Variants in SCMH1 observed in about 807,000 individuals in gnomAD.
SCMH1 encodes the protein polycomb protein SCMH1.
SCMH1 carries 37 observed loss-of-function variants against 70.8 expected under a neutral mutation model. The ratio of observed to expected loss-of-function variants is 0.52; its 90% CI spans 0.40 to 0.69. The LOEUF is 0.69. Among genes scored for constraint, SCMH1 ranks in the 30% least tolerant of loss-of-function variants. The pLI, the probability that SCMH1 is intolerant of heterozygous loss-of-function variation, is 0.00. For missense variants in SCMH1, 607 were observed against 827.3 expected, an observed-to-expected ratio of 0.73 and a Z score of 3.27; for synonymous variants, 292 against 307.4, an observed-to-expected ratio of 0.95 and a Z score of 0.52.
rs532510799 is a variant in SCMH1 at position 41,074,072 on chromosome 1, C to CTT, written c.978+1145_978+1146dup. ...CCCTAGAGAAGCTGCTGACAGAAGTCTTTTTTTTTTTTTTTTTTTATATCA... is the reference window on the plus strand; with the variant it reads ...CCCTAGAGAAGCTGCTGACAGAAGTCTTTTTTTTTTTTTTTTTTTTTATATCA... On this transcript the variant is annotated intron_variant, in intron 9 of 14. Coordinates refer to ENST00000337495, the Ensembl canonical transcript of SCMH1. Among the ~76,000 whole-genome samples the CTT allele has an allele frequency of 2.7e-3, 344 of 128,452 alleles. 1 individual carries two copies. Among genetic ancestry groups the CTT allele is most frequent in the African/African-American group, 8.4e-3 (293 of 34,710 alleles). 84.3% of individuals were successfully genotyped at this position (128,452 alleles called of 152,430 possible).
intron 10 of SCMH1, among the ~76,000 whole-genome samples, chr1:41,049,782 A>AT (rs1260667680): frequency 8.8e-5 from 13 of 148,066 alleles, no homozygotes; most frequent in Non-Finnish European, 1.6e-4. Flanking sequence ...AAAAAAAAAA[A>AT]ATTGGGTGCA....
rs186734971 is a variant in SCMH1, at chr1:41,048,894, T to C, written c.1106-4A>G. On this transcript the variant is annotated splice_polypyrimidine_tract_variant and splice_region_variant and intron_variant, in intron 10 of 14. Transcript: ENST00000337495. ...TTCTTGTTCAAGTAGATACAAACTA[T>C]GGGAGACAAAGAATCAAAGAAGCTT... The C allele has an allele frequency of 1.9e-6, 3 of 1,605,954 alleles. No individual in the cohort carries two copies. Among genetic ancestry groups the C allele is most frequent in the Admixed American group, 3.4e-5 (2 of 58,440 alleles).
intron 6 of SCMH1, among the ~76,000 whole-genome samples, chr1:41,117,551 GAGGGCCTGACGTCAGTC>G (rs917569950): frequency 6.6e-6 from 1 of 151,954 alleles, no homozygotes; most frequent in African/African-American, 2.4e-5. Flanking sequence ...ACCTCTTGCG[GAGGGCCTGACGTCAGTC>G]AGGCCCGCCT....
intron 1 of SCMH1, among the ~76,000 whole-genome samples, chr1:41,201,858 G>T (rs1198865111): frequency 6.6e-6 from 1 of 152,082 alleles, no homozygotes; most frequent in Non-Finnish European, 1.5e-5. Context: ...AAACAGCTCA[G>T]GCAGAATAGT....
intron 8 of SCMH1, among the ~76,000 whole-genome samples, chr1:41,098,442 C>G (rs1411298756): frequency 2.6e-5 from 4 of 152,138 alleles, no homozygotes. Context: ...TTCTTAACTC[C>G]TTACAACAAC....
chr1:41,050,278 G>T (rs759361193), intron 10 of SCMH1, among the ~76,000 whole-genome samples: 3 of 152,216 alleles, frequency 2.0e-5, no homozygotes, highest in Non-Finnish European at 2.9e-5. Context: ...TCCCATTTGA[G>T]TAGCGGGTAC....
chr1:41,145,319 T>C (rs780113111), intron 5 of SCMH1, among the ~76,000 whole-genome samples: 4 of 152,144 alleles, frequency 2.6e-5, no homozygotes, highest in Non-Finnish European at 5.9e-5. Flanking sequence ...GCACCAGTTG[T>C]TGAAAAACCC....
intron 2 of SCMH1, among the ~76,000 whole-genome samples, chr1:41,173,106 C>T (rs1435185241): frequency 6.6e-6 from 1 of 151,872 alleles, no homozygotes; most frequent in Non-Finnish European, 1.5e-5. Context: ...GAGATTATAT[C>T]AAACTAAAAA....
intron 1 of SCMH1, among the ~76,000 whole-genome samples, chr1:41,187,379 T>C (rs569917024): frequency 6.6e-6 from 1 of 151,138 alleles, no homozygotes; most frequent in Non-Finnish European, 1.5e-5. Context: ...TCAGAATCAC[T>C]TGAACCCAGG....
In SCMH1 at chr1:41,107,651, C is replaced by T. The variant is rs552306508; in HGVS notation, c.745+5632G>A. ...TCTCCTGCCTCAGCCTCCCGAGTAG[C>T]TGGGACTACAGGTGGGCACCACCAC... On this transcript the variant is annotated intron_variant, in intron 8 of 14. Coordinates refer to ENST00000337495, the Ensembl canonical transcript of SCMH1. 6.6e-5 allele frequency among the ~76,000 whole-genome samples: 10 copies of T among 152,304 alleles called. No homozygotes were observed. The East Asian group carries it at 1.9e-3, about 29-fold the overall frequency.
At chr1:41,211,434 G>C (rs1020872674) in intron 1 of SCMH1, among the ~76,000 whole-genome samples, 1 of 152,188 alleles carries the variant, frequency 6.6e-6, no homozygotes, top group African/African-American at 2.4e-5. Context: ...ATCATCACTG[G>C]TCATCACAGA....
At chr1:41,049,766 C>A (rs376682091) in intron 10 of SCMH1, among the ~76,000 whole-genome samples, 424 of 123,074 alleles carry the variant, frequency 3.4e-3, no homozygotes, top group African/African-American at 4.1e-3. Context: ...GAATTGGTCT[C>A]AAAAAAAAAA....
chr1:41,192,615 A>G (rs751390329), intron 1 of SCMH1, among the ~76,000 whole-genome samples: 1 of 151,902 alleles, frequency 6.6e-6, no homozygotes, highest in Non-Finnish European at 1.5e-5. Flanking sequence ...ATCCTTTGCT[A>G]CTATTTAGGA....
rs186413388 is a variant in SCMH1 at position 41,155,347 on chromosome 1, T to A, written c.107-3663A>T. ...ATATTTACTAAATACCTAGTATATG[T>A]TAAGCCTGGTTCTAGGCACTGGTGA... On this transcript the variant is annotated intron_variant, in intron 4 of 14. Transcript: ENST00000337495. 1.5e-3 allele frequency among the ~76,000 whole-genome samples: 226 copies of A among 152,298 alleles called. 3 individuals are homozygous for A. Among genetic ancestry groups the A allele is most frequent in the Middle Eastern group, 0.014 (4 of 294 alleles).
chr1:41,167,103 T>C lies in SCMH1; in HGVS notation c.14-5671A>G, dbSNP rs377022850. 3.3e-5 allele frequency among the ~76,000 whole-genome samples: 5 copies of C among 152,300 alleles called. No individual in the cohort carries two copies. In the South Asian group the frequency reaches 8.3e-4, roughly 25 times the overall value. On this transcript the variant is annotated intron_variant, in intron 2 of 14. Transcript: ENST00000337495. ...TTTTCTCCATCTATTTAGATGATCA[T>C]GTGATTTTTGTCCTTTATTCTGTTA...
chr1:41,149,037 C>T (rs1320991218), intron 5 of SCMH1, among the ~76,000 whole-genome samples: 1 of 152,140 alleles, frequency 6.6e-6, no homozygotes, highest in Non-Finnish European at 1.5e-5. Flanking sequence ...ACGATCCGCC[C>T]ACCTCAGCCT....
chr1:41,241,403 CG>C (rs1450585214), intron 1 of SCMH1, among the ~76,000 whole-genome samples: 4 of 152,164 alleles, frequency 2.6e-5, no homozygotes, highest in Non-Finnish European at 5.9e-5. Flanking sequence ...CCGTTTCCGG[CG>C]GGGCACTGGG....
intron 1 of SCMH1, among the ~76,000 whole-genome samples, chr1:41,210,611 G>C (rs976346894): frequency 5.3e-5 from 8 of 152,110 alleles, no homozygotes; most frequent in Non-Finnish European, 8.8e-5. Context: ...ATAGGGGAAG[G>C]ATTCCCTATT....
chr1:41,078,201 T>C (rs1233032618), intron 8 of SCMH1, among the ~76,000 whole-genome samples: 1 of 151,866 alleles, frequency 6.6e-6, no homozygotes, highest in Non-Finnish European at 1.5e-5. Context: ...CAAAATAAAG[T>C]ACAGTGAGAA....
Sources: allele counts gnomAD v4.1 joint callset (sites outside exome capture counted in the v4.1 genomes callset), GRCh38; gene constraint gnomAD v4.1.1; transcripts MANE v1.5; gene names NCBI Gene and HGNC (gene_info 2026-07-23, HGNC 2026-07-21).